Variants in MYO3B observed in about 807,000 individuals in gnomAD.
MYO3B encodes the protein myosin IIIB.
In MYO3B, 156 loss-of-function variants were observed where a neutral mutation model predicts 174.6. The ratio of observed to expected loss-of-function variants is 0.89; its 90% CI spans 0.78 to 1.02. The LOEUF is 1.02. Ranked by LOEUF, MYO3B falls within the 50% of genes least tolerant of loss-of-function variation. MYO3B has a pLI of 0.00. For missense variants in MYO3B, 1,632 were observed against 1,639.4 expected (o/e 1.00, Z 0.08); for synonymous variants, 563 against 569.1 (o/e 0.99, Z 0.15).
At chr2:170,304,702 A>G (rs892661927) in intron 7 of MYO3B, among the ~76,000 whole-genome samples, 2 of 151,928 alleles carry the variant, frequency 1.3e-5, no homozygotes, top group Middle Eastern at 3.4e-3. Flanking sequence ...CCTGACCTCA[A>G]GTGATCCACC....
chr2:170,531,853 G>A (rs1689372979), intron 30 of MYO3B, among the ~76,000 whole-genome samples: 1 of 152,120 alleles, frequency 6.6e-6, no homozygotes, highest in Non-Finnish European at 1.5e-5. Flanking sequence ...AAATAATAAA[G>A]GTAGATGAAA....
chr2:170,375,217 T>A (rs1238867812), intron 9 of MYO3B, among the ~76,000 whole-genome samples: 1 of 152,216 alleles, frequency 6.6e-6, no homozygotes, highest in African/African-American at 2.4e-5. Context: ...TCATCTGGTA[T>A]GTCATCTCAC....
chr2:170,447,189 T>C (rs2105919832), intron 23 of MYO3B, among the ~76,000 whole-genome samples: 1 of 152,312 alleles, frequency 6.6e-6, no homozygotes, highest in African/African-American at 2.4e-5. Context: ...CTAAGTCCCA[T>C]GTTTGGGGAT....
At chr2:170,228,641 T>C (rs7599936) in intron 6 of MYO3B, among the ~76,000 whole-genome samples, 137,371 of 152,052 alleles carry the variant, frequency 0.9, 63,480 homozygotes, top group East Asian at 1. Flanking sequence ...AGTGAGTTCC[T>C]CTTCTACCCT....
chr2:170,407,581 T>TGCTCTGGAAATGAAA (rs1553484744), intron 21 of MYO3B, 134 bp from the exon 22 acceptor site: 6 of 645,582 alleles, frequency 9.3e-6, no homozygotes, highest in Non-Finnish European at 1.6e-5. Context: ...CTTTATCTGG[T>TGCTCTGGAAATGAAA]GCTCTGGATA....
chr2:170,557,625 C>T (rs1691422025), intron 32 of MYO3B, among the ~76,000 whole-genome samples: 2 of 152,226 alleles, frequency 1.3e-5, no homozygotes, highest in South Asian at 2.1e-4. Context: ...TGATATAATA[C>T]AGGGAGCAAG....
intron 7 of MYO3B, among the ~76,000 whole-genome samples, chr2:170,255,265 A>G (rs554155912): frequency 3.5e-4 from 53 of 152,254 alleles, no homozygotes; most frequent in African/African-American, 1.1e-3. Context: ...ACACAGGTGC[A>G]ATGTCAGTCA....
intron 7 of MYO3B, among the ~76,000 whole-genome samples, chr2:170,273,110 C>A (rs1244375024): frequency 6.6e-6 from 1 of 152,030 alleles, no homozygotes; most frequent in Admixed American, 6.6e-5. Context: ...GGCCAAGATT[C>A]AAAAGTGGAT....
intron 22 of MYO3B, among the ~76,000 whole-genome samples, chr2:170,433,264 CAAA>C (rs952651229): frequency 6.6e-6 from 1 of 150,490 alleles, no homozygotes; most frequent in Non-Finnish European, 1.5e-5. Context: ...CAAAACAAAA[CAAA>C]AAAAAGAGAA....
intron 32 of MYO3B, among the ~76,000 whole-genome samples, chr2:170,635,519 C>T (rs986104145): frequency 6.6e-6 from 1 of 152,024 alleles, no homozygotes; most frequent in African/African-American, 2.4e-5. Flanking sequence ...ATGTAAATGA[C>T]AAGTTAATGG....
At chr2:170,427,267 C>G (rs1209494540) in intron 22 of MYO3B, among the ~76,000 whole-genome samples, 1 of 152,040 alleles carries the variant, frequency 6.6e-6, no homozygotes, top group East Asian at 1.9e-4. Context: ...ATAGGTTTCA[C>G]TCTTTCAAAA....
At position 170,651,656 on chromosome 2, in the gene MYO3B, T is replaced by C. The variant is rs115108623; in HGVS notation, c.3762T>C (p.His1254=). The change falls in exon 33 of 35, where the codon CAT becomes CAC. Residue 1254 remains histidine, a synonymous_variant. Transcript: ENST00000408978. ...CAGAAAATGGTCTTGCACAGAAGCA[T>C]CGAACACCTCGCCGACGATGTCAGC... ...PGSENGLAQK[H]RTPRRRCQQP... The C allele has an allele frequency of 6.7e-4, 1,082 of 1,614,130 alleles. 5 individuals carry two copies. In the African/African-American group the frequency reaches 0.012, roughly 18 times the overall value.
At chr2:170,562,123 C>T (rs957353119) in intron 32 of MYO3B, among the ~76,000 whole-genome samples, 2 of 152,104 alleles carry the variant, frequency 1.3e-5, no homozygotes, top group South Asian at 2.1e-4. Flanking sequence ...AAAGTTAGAA[C>T]ATGAAGATTG....
At position 170,561,241 on chromosome 2, in the gene MYO3B, C is replaced by T. The variant is rs559119853; in HGVS notation, c.3733+17253C>T. ...AAGAAGAGTTAGAATGGATGCCTCC[C>T]TCTCATCTACCACCCTGAGCAAATT... is the stretch of plus-strand genomic sequence containing the variant. On this transcript the variant is annotated intron_variant, in intron 32 of 34. Transcript: ENST00000408978. 2.2e-3 allele frequency among the ~76,000 whole-genome samples: 339 copies of T among 152,322 alleles called. 1 individual carries two copies. Among genetic ancestry groups the T allele is most frequent in the Non-Finnish European group, 3.3e-3 (223 of 68,028 alleles).
At chr2:170,403,516 T>C (rs1017293882) in intron 19 of MYO3B, among the ~76,000 whole-genome samples, 2 of 152,220 alleles carry the variant, frequency 1.3e-5, no homozygotes, top group Non-Finnish European at 2.9e-5. Flanking sequence ...AAGAAACTAG[T>C]GGACCCAAGG....
chr2:170,291,195 G>A (rs775570263), intron 7 of MYO3B, among the ~76,000 whole-genome samples: 2 of 151,298 alleles, frequency 1.3e-5, no homozygotes, highest in East Asian at 3.9e-4. Flanking sequence ...GCTGCAGTGA[G>A]CCGAGATCAC....
intron 4 of MYO3B, 39 bp from the exon 5 acceptor site, chr2:170,214,690 C>T: frequency 6.4e-7 from 1 of 1,567,200 alleles, no homozygotes; most frequent in Non-Finnish European, 8.8e-7. Context: ...TTTCCCCTTT[C>T]TCTTTCCTGT....
At chr2:170,487,139 A>T (rs1686117644) in intron 25 of MYO3B, among the ~76,000 whole-genome samples, 1 of 152,088 alleles carries the variant, frequency 6.6e-6, no homozygotes, top group African/African-American at 2.4e-5. Flanking sequence ...TGTTTCAGAG[A>T]CCCTGCTAAG....
At chr2:170,477,534 C>T (rs1339680514) in intron 25 of MYO3B, among the ~76,000 whole-genome samples, 4 of 151,888 alleles carry the variant, frequency 2.6e-5, no homozygotes, top group African/African-American at 9.7e-5. Context: ...ATGGAGGACT[C>T]TATTAATCAG....
Sources: gnomAD v4.1 joint callset for allele counts (sites outside exome capture counted in the v4.1 genomes callset) on GRCh38, gnomAD v4.1.1 for gene constraint, MANE v1.5 for transcripts, NCBI Gene and HGNC (gene_info 2026-07-23, HGNC 2026-07-21) for gene names.